The following CA6 variants were observed in gnomAD, a reference collection of about 807,000 sequenced individuals.
CA6 encodes the protein carbonate dehydratase VI.
Under a neutral mutation model 35.9 loss-of-function variants are expected in CA6, and 28 were observed. The observed-to-expected ratio is 0.78, with a 90% CI of 0.58 to 1.07. CA6 has a LOEUF of 1.07. CA6 is among the 50% of genes least tolerant of loss of function. The pLI, the probability that CA6 is intolerant of heterozygous loss-of-function variation, is 0.00. For synonymous variants in CA6, 148 were observed against 152.6 expected, an observed-to-expected ratio of 0.97 and a Z score of 0.22; for missense variants, 377 against 382.0, an observed-to-expected ratio of 0.99 and a Z score of 0.11.
chr1:8,967,678 T>C lies in CA6; in HGVS notation c.591T>C (p.Thr197=), dbSNP rs1319252368. Residue 197 remains threonine, a synonymous_variant, in exon 6 of 8, where the codon ACT becomes ACC. Coordinates refer to ENST00000377443, the MANE Select transcript of CA6 (RefSeq NM_001215.4). The part of the protein sequence containing the change: ...IKYPGQRTTL[T]GLDVQDMLPR... ...GGTCAGGACAAAGAACAACCCTGAC[T>C]GGCCTTGACGTTCAGGACATGCTGC... 1.4e-5 allele frequency: 23 copies of C among 1,614,116 alleles called. No individual in the cohort carries two copies. Among genetic ancestry groups the C allele is most frequent in the Non-Finnish European group, 1.9e-5 (23 of 1,179,964 alleles).
chr1:8,965,259 C>T (rs1639940258), intron 5 of CA6, among the ~76,000 whole-genome samples: 1 of 151,956 alleles, frequency 6.6e-6, no homozygotes, highest in South Asian at 2.1e-4. Context: ...ACGACAACAA[C>T]AACAAACTTA....
In CA6 at chr1:8,948,584, C is replaced by T. The variant is rs183835806; in HGVS notation, c.80-679C>T. Among the ~76,000 whole-genome samples the T allele has an allele frequency of 1.7e-3, 257 of 152,058 alleles. 1 individual carries two copies. Among genetic ancestry groups the T allele is most frequent in the African/African-American group, 5.6e-3 (232 of 41,410 alleles). On this transcript the variant is annotated intron_variant, in intron 1 of 7. Coordinates refer to ENST00000377443, the MANE Select transcript of CA6 (RefSeq NM_001215.4). Reference sequence around the variant, plus strand: ...CCCTTGGGAGGAAATGAGGAAGAGGCCCCAGGAGCAGCACAGGAAGAGCAA... The same window carrying T: ...CCCTTGGGAGGAAATGAGGAAGAGGTCCCAGGAGCAGCACAGGAAGAGCAA...
In CA6 at chr1:8,949,284, A is replaced by C; in HGVS notation, c.101A>C (p.His34Pro). ...TYSEGALDEA[H>P]WPQHYPACGG... ...TTAGAAGGGGCACTGGACGAAGCGC[A>C]CTGGCCACAGCACTACCCCGCCTGT... Residue 34 changes from histidine to proline, a missense_variant, in exon 2 of 8, where the codon CAC (histidine) becomes CCC (proline). By Grantham distance (77) the His-to-Pro change is moderately conservative. Coordinates refer to ENST00000377443, the MANE Select transcript of CA6 (RefSeq NM_001215.4). 2 of 1,606,956 alleles carry C rather than the reference A, an allele frequency of 1.2e-6. No homozygotes were observed. The highest frequency in any genetic ancestry group is 1.7e-6 in the Non-Finnish European group (2 of 1,177,052).
chr1:8,953,344 C>A (rs1639589876), intron 2 of CA6, among the ~76,000 whole-genome samples: 1 of 152,116 alleles, frequency 6.6e-6, no homozygotes, highest in Non-Finnish European at 1.5e-5. Flanking sequence ...CATATGCAGG[C>A]CAGGCATGGT....
chr1:8,973,784 C>CTTTCTTTCTTTCTTTCTTTCTTTCT (rs375258281), intron 7 of CA6, among the ~76,000 whole-genome samples: 2 of 52,012 alleles, frequency 3.8e-5, no homozygotes, highest in African/African-American at 7.4e-5. Flanking sequence ...TTCTTTCTTT[C>CTTTCTTTCTTTCTTTCTTTCTTTCT]TTTTCCCTCC....
At chr1:8,946,420 A>G (rs1037597347) in intron 1 of CA6, among the ~76,000 whole-genome samples, 2 of 152,004 alleles carry the variant, frequency 1.3e-5, no homozygotes, top group African/African-American at 4.8e-5. Context: ...TTCAGATGTT[A>G]CCTTTTCAGT....
At chr1:8,953,237 C>A (rs556478369) in intron 2 of CA6, among the ~76,000 whole-genome samples, 1 of 152,238 alleles carries the variant, frequency 6.6e-6, no homozygotes, top group South Asian at 2.1e-4. Flanking sequence ...GCTGAATATT[C>A]TATTGCCTGG....
chr1:8,949,402 C>A lies in CA6; in HGVS notation c.219C>A (p.Thr73=), dbSNP rs569678345. Reference sequence around the variant, plus strand: ...GGCTCAATATGACAGGCTATGAGACCCAGGCAGGGGAGTTCCCCATGGTCA... The same window carrying A: ...GGCTCAATATGACAGGCTATGAGACACAGGCAGGGGAGTTCCCCATGGTCA... ...LKGLNMTGYE[T]QAGEFPMVNN... is the part of the protein sequence containing the mutation. Residue 73 remains threonine, a synonymous_variant, in exon 2 of 8, where the codon ACC becomes ACA. Transcript: ENST00000377443. 1.2e-6 allele frequency: 2 copies of A among 1,613,258 alleles called. No homozygotes were observed. Among genetic ancestry groups the A allele is most frequent in the Admixed American group, 3.3e-5 (2 of 59,918 alleles).
At chr1:8,967,963 CTTTTTTTT>C in intron 6 of CA6, 147 bp downstream of exon 6, 1 of 296,750 alleles carries the variant, frequency 3.4e-6, no homozygotes. Flanking sequence ...TCTAGCCAAC[CTTTTTTTT>C]TTTTTTTTTT....
In CA6 at chr1:8,967,763, G is replaced by A; in HGVS notation, c.676G>A (p.Glu226Lys). The change falls in exon 6 of 8, where the codon GAG (glutamate) becomes AAG (lysine). Residue 226 changes from glutamate to lysine, a missense_variant. Transcript: ENST00000377443. ...HGSLTTPPCT[E>K]NVHWFVLADF... ...CTCACTCACCACGCCTCCCTGCACT[G>A]AGAACGTCCACTGGTTTGTGCTGGC... 1 of 1,614,052 alleles carries A rather than the reference G, an allele frequency of 6.2e-7. No individual in the cohort carries two copies. Among genetic ancestry groups the A allele is most frequent in the South Asian group, 1.1e-5 (1 of 91,072 alleles).
chr1:8,971,628 C>A (rs1462646574), intron 7 of CA6, among the ~76,000 whole-genome samples: 1 of 152,054 alleles, frequency 6.6e-6, no homozygotes, highest in Non-Finnish European at 1.5e-5. Flanking sequence ...CCTTATTAAC[C>A]CCACCCAGAT....
intron 6 of CA6, among the ~76,000 whole-genome samples, chr1:8,970,230 GA>G (rs1313040614): frequency 7.1e-6 from 1 of 141,478 alleles, no homozygotes; most frequent in Non-Finnish European, 1.5e-5. Context: ...AAAAAAAAGA[GA>G]AAAACCTGAC....
intron 7 of CA6, among the ~76,000 whole-genome samples, chr1:8,973,710 CTCTT>C (rs1173408031): frequency 0.012 from 1,283 of 106,206 alleles, 42 homozygotes; most frequent in Non-Finnish European, 0.018. Context: ...TTCTTTCTCT[CTCTT>C]TCTTTCTTTC....
chr1:8,964,971 C>T (rs775489941), intron 5 of CA6, among the ~76,000 whole-genome samples: 6 of 152,104 alleles, frequency 3.9e-5, no homozygotes, highest in South Asian at 2.1e-4. Context: ...AGGCTGGGTG[C>T]GGTGGCTCAC....
chr1:8,958,101 G>A (rs1352992681), intron 3 of CA6, among the ~76,000 whole-genome samples: 1 of 152,150 alleles, frequency 6.6e-6, no homozygotes, highest in Non-Finnish European at 1.5e-5. Context: ...AGGTTGGCAG[G>A]ACTTCACAGC....
In CA6 at chr1:8,974,779, C is replaced by T. The variant is rs374919015; in HGVS notation, c.*75C>T. The T allele has an allele frequency of 3.0e-3, 2,406 of 796,136 alleles. 4 individuals are homozygous for T. Among genetic ancestry groups the T allele is most frequent in the Non-Finnish European group, 4.2e-3 (2,096 of 502,660 alleles). 49.3% of individuals were successfully genotyped at this position (796,136 alleles called of 1,614,324 possible). The stretch of plus-strand genomic sequence containing the variant: ...GCCAGAAGTGCCTGTCCGCTGCAGC[C>T]GCACCCTACCTTGTCTAAGAAACCA... On this transcript the variant is annotated 3_prime_UTR_variant, in exon 8 of 8. Transcript: ENST00000377443.
At chr1:8,947,914 G>A (rs930925791) in intron 1 of CA6, among the ~76,000 whole-genome samples, 2 of 150,524 alleles carry the variant, frequency 1.3e-5, no homozygotes, top group African/African-American at 4.9e-5. Context: ...GCGCGATCTC[G>A]GCTCACCGCA....
intron 2 of CA6, chr1:8,952,613 G>C (rs2124243867): frequency 6.6e-6 from 1 of 152,242 alleles, no homozygotes; most frequent in African/African-American, 2.4e-5. Context: ...AAGCTTAACA[G>C]TAAAGTTGAC....
chr1:8,949,285 C>T lies in CA6; in HGVS notation c.102C>T (p.His34=). The T allele has an allele frequency of 4.4e-6, 7 of 1,606,620 alleles. No individual in the cohort carries two copies. The highest frequency in any genetic ancestry group is 5.9e-6 in the Non-Finnish European group (7 of 1,176,878). ...TAGAAGGGGCACTGGACGAAGCGCA[C>T]TGGCCACAGCACTACCCCGCCTGTG... ...TYSEGALDEA[H]WPQHYPACGG... is the part of the protein sequence containing the mutation. Residue 34 remains histidine (H), a synonymous_variant, in exon 2 of 8, where the codon CAC becomes CAT. Coordinates refer to ENST00000377443, the MANE Select transcript of CA6 (RefSeq NM_001215.4).
Sources: gnomAD v4.1 joint callset for allele counts (sites outside exome capture counted in the v4.1 genomes callset) on GRCh38, gnomAD v4.1.1 for gene constraint, MANE v1.5 for transcripts, NCBI Gene and HGNC (gene_info 2026-07-23, HGNC 2026-07-21) for gene names.